Variants in AGPAT4 observed in about 807,000 individuals in gnomAD.
AGPAT4 encodes 1-acylglycerol-3-phosphate O-acyltransferase 4.
A neutral mutation model predicts 48.0 loss-of-function variants in AGPAT4; 15 were observed. That is an observed-to-expected ratio of 0.31 (90% CI 0.21 to 0.48). The LOEUF (loss-of-function observed/expected upper bound fraction) is 0.48, where lower values mean the gene tolerates loss of function less well. Ranked by LOEUF, AGPAT4 falls within the 20% of genes least tolerant of loss-of-function variation. AGPAT4 has a pLI of 0.99. For synonymous variants in AGPAT4, 178 were observed against 198.7 expected (o/e 0.90, Z 0.88); for missense variants, 314 against 482.5 (o/e 0.65, Z 3.27).
Position 161,178,529 on chromosome 6 carries a change from T to C in AGPAT4, c.179-12112A>G, listed in dbSNP as rs1263879029. Among the ~76,000 whole-genome samples the C allele has an allele frequency of 4.6e-5, 7 of 152,206 alleles. No individual in the cohort carries two copies. The highest frequency in any genetic ancestry group is 4.6e-4 in the Admixed American group (7 of 15,284). On this transcript the variant is annotated intron_variant, in intron 2 of 8. Transcript: ENST00000320285. The surrounding 1 kb of genome is among the most constrained non-coding windows in gnomAD (Gnocchi z 5.1). ...GAACCAATTTTCCAGGTGCCGTCTGTCACCGCTTCCCTTGGCTAGGAAAGG... is the reference window on the plus strand; with the variant it reads ...GAACCAATTTTCCAGGTGCCGTCTGCCACCGCTTCCCTTGGCTAGGAAAGG...
chr6:161,244,983 C>T lies in AGPAT4; in HGVS notation c.-89-12681G>A, dbSNP rs1180796190. On this transcript the variant is annotated intron_variant, in intron 1 of 8. Transcript: ENST00000320285. This position sits in a 1 kb window ranked among gnomAD's most constrained non-coding sequence, Gnocchi z 4.7. ...GAGCCAAAGGCCACGTAGCAAAACA[C>T]GTGGGCATGAGAACTCTCCTGCAAA... 6.6e-6 allele frequency among the ~76,000 whole-genome samples: 1 copy of T among 152,240 alleles called. No homozygotes were observed. The highest frequency in any genetic ancestry group is 1.5e-5 in the Non-Finnish European group (1 of 68,046).
chr6:161,140,221 G>C lies in AGPAT4; in HGVS notation c.844-601C>G, dbSNP rs544448830. 3.6e-4 allele frequency among the ~76,000 whole-genome samples: 55 copies of C among 152,348 alleles called. No homozygotes were observed. The highest frequency in any genetic ancestry group is 1.2e-3 in the African/African-American group (50 of 41,586). On this transcript the variant is annotated intron_variant, in intron 7 of 8. Coordinates refer to ENST00000320285, the MANE Select transcript of AGPAT4 (RefSeq NM_020133.3). The surrounding 1 kb of genome is among the most constrained non-coding windows in gnomAD (Gnocchi z 6.5). Reference sequence around the variant, plus strand: ...TTCAAGGCATCATGAATGACAAAGGGCTGGAGGGCTGCTGGGTGTGGCTCT... The same window carrying C: ...TTCAAGGCATCATGAATGACAAAGGCCTGGAGGGCTGCTGGGTGTGGCTCT...
chr6:161,167,306 G>A (rs1447712431), intron 2 of AGPAT4, among the ~76,000 whole-genome samples: 2 of 152,108 alleles, frequency 1.3e-5, no homozygotes, highest in African/African-American at 4.8e-5. Context: ...GCTCACTGCA[G>A]CCTCAACCTC....
At chr6:161,199,267 C>G (rs1781155283) in intron 2 of AGPAT4, among the ~76,000 whole-genome samples, 1 of 152,146 alleles carries the variant, frequency 6.6e-6, no homozygotes, top group Admixed American at 6.5e-5. Context: ...TCTTGTCATG[C>G]CCGCCCCTCC....
At position 161,142,811 on chromosome 6, in the gene AGPAT4, G is replaced by A. The variant is rs1006953047; in HGVS notation, c.844-3191C>T. On this transcript the variant is annotated intron_variant, in intron 7 of 8. Transcript: ENST00000320285. This position sits in a 1 kb window ranked among gnomAD's most constrained non-coding sequence, Gnocchi z 6.4. ...TGGTCTCAGCCCGCAGACACCACCC[G>A]AGTGCACGGCCAGGACTTGCAAAGG... Among the ~76,000 whole-genome samples, 2 of 152,198 alleles carry A rather than the reference G, an allele frequency of 1.3e-5. No homozygotes were observed. Among genetic ancestry groups the A allele is most frequent in the African/African-American group, 2.4e-5 (1 of 41,440 alleles).
intron 5 of AGPAT4, among the ~76,000 whole-genome samples, chr6:161,152,505 G>C (rs1328296781): frequency 6.6e-6 from 1 of 152,212 alleles, no homozygotes; most frequent in Non-Finnish European, 1.5e-5. Context: ...TGTTGCTCCA[G>C]AGGTCCTGGT....
At chr6:161,175,768 G>A (rs1342242516) in intron 2 of AGPAT4, among the ~76,000 whole-genome samples, 2 of 152,100 alleles carry the variant, frequency 1.3e-5, no homozygotes, top group Non-Finnish European at 2.9e-5. Flanking sequence ...TCTCTTGTGG[G>A]CATTTAGTGC....
In AGPAT4 at chr6:161,166,389, C is replaced by T. The variant is rs183879783; in HGVS notation, c.207G>A (p.Ser69=). 156 of 1,611,428 alleles carry T rather than the reference C, an allele frequency of 9.7e-5. No homozygotes were observed. The East Asian group carries it at 3.1e-3, about 32-fold the overall frequency. The change falls in exon 3 of 9, where the codon TCG becomes TCA. Residue 69 remains serine, a synonymous_variant. Transcript: ENST00000320285. The surrounding 1 kb of genome is among the most constrained non-coding windows in gnomAD (Gnocchi z 6.7). ...SQLVMLLEWW[S]GTECTIFTDP... ...CCGTGAAGATGGTGCATTCCGTGCC[C>T]GACCACCACTCCAGCAGCATCACCA...
At position 161,136,549 on chromosome 6, in the gene AGPAT4, C is replaced by A; in HGVS notation, c.1128G>T (p.Leu376=). ...GTGACACCTCCCTGAGTCAGTCATT[C>A]AGTTTCTGCTTGCTGTCAGAGTTGC... The part of the protein sequence containing the change: ...AYGNSDSKQK[L]ND The change falls in exon 9 of 9, where the codon CTG becomes CTT. Residue 376 remains leucine, a synonymous_variant. Transcript: ENST00000320285. 1 of 1,614,138 alleles carries A rather than the reference C, an allele frequency of 6.2e-7. No individual in the cohort carries two copies. The highest frequency in any genetic ancestry group is 8.5e-7 in the Non-Finnish European group (1 of 1,180,028).
chr6:161,256,296 T>A (rs1782941177), intron 1 of AGPAT4, among the ~76,000 whole-genome samples: 1 of 151,992 alleles, frequency 6.6e-6, no homozygotes, highest in Non-Finnish European at 1.5e-5. Context: ...CAAGAGGAAA[T>A]CAACCCCAGG....
At chr6:161,191,317 G>C (rs1484517256) in intron 2 of AGPAT4, among the ~76,000 whole-genome samples, 1 of 152,180 alleles carries the variant, frequency 6.6e-6, no homozygotes, top group African/African-American at 2.4e-5. Flanking sequence ...CCACTGTGCT[G>C]TGCTGCAAAT....
Position 161,231,828 on chromosome 6 carries a change from C to T in AGPAT4, c.178+208G>A, listed in dbSNP as rs1408174128. On this transcript the variant is annotated intron_variant, in intron 2 of 8. Coordinates refer to ENST00000320285, the MANE Select transcript of AGPAT4 (RefSeq NM_020133.3). The surrounding 1 kb of genome is among the most constrained non-coding windows in gnomAD (Gnocchi z 5.3). ...CTTTTCATAGTATACCTGTCTGTGGCTGTTGAATTTTGAGCTACTGGCATT... is the reference window on the plus strand; with the variant it reads ...CTTTTCATAGTATACCTGTCTGTGGTTGTTGAATTTTGAGCTACTGGCATT... Among the ~76,000 whole-genome samples the T allele has an allele frequency of 1.3e-5, 2 of 152,098 alleles. No homozygotes were observed.
chr6:161,199,678 G>A (rs926839399), intron 2 of AGPAT4, among the ~76,000 whole-genome samples: 7 of 152,108 alleles, frequency 4.6e-5, no homozygotes, highest in African/African-American at 1.4e-4. Flanking sequence ...TGCTGTTCTC[G>A]TGACAGCAAG....
chr6:161,181,280 C>T (rs1780581450), intron 2 of AGPAT4, among the ~76,000 whole-genome samples: 1 of 152,226 alleles, frequency 6.6e-6, no homozygotes, highest in East Asian at 1.9e-4. Flanking sequence ...CTGAGGGAGG[C>T]GGGCTGCCTG....
Position 161,136,508 on chromosome 6 carries a change from A to G in AGPAT4, c.*32T>C. ...ATATGCAGAGGCCACCAGTTCCCCA[A>G]GGTTCCCTTCGGATGGTGACACCTC... On this transcript the variant is annotated 3_prime_UTR_variant, in exon 9 of 9. Transcript: ENST00000320285. 1 of 1,600,586 alleles carries G rather than the reference A, an allele frequency of 6.2e-7. No homozygotes were observed. The highest frequency in any genetic ancestry group is 1.1e-5 in the South Asian group (1 of 90,800).
At position 161,219,916 on chromosome 6, in the gene AGPAT4, CGGCA is replaced by C. The variant is rs71558034; in HGVS notation, c.178+12116_178+12119del. Reference sequence around the variant, plus strand: ...GCAGGCAGGCAGGCAGGCAGGCAGGCGGCAGGCAGGCAGGCAGGCAGGCAGGCAG... The same window carrying C: ...GCAGGCAGGCAGGCAGGCAGGCAGGCGGCAGGCAGGCAGGCAGGCAGGCAG... On this transcript the variant is annotated intron_variant, in intron 2 of 8. Coordinates refer to ENST00000320285, the MANE Select transcript of AGPAT4 (RefSeq NM_020133.3). The surrounding 1 kb of genome is among the most constrained non-coding windows in gnomAD (Gnocchi z 4.9). Among the ~76,000 whole-genome samples, 501 of 105,604 alleles carry C rather than the reference CGGCA, an allele frequency of 4.7e-3. 2 individuals are homozygous for C. The highest frequency in any genetic ancestry group is 0.016 in the African/African-American group (443 of 27,114). 69.3% of individuals were successfully genotyped at this position (105,604 alleles called of 152,430 possible).
chr6:161,176,622 A>C (rs1027397918), intron 2 of AGPAT4, among the ~76,000 whole-genome samples: 6 of 151,802 alleles, frequency 4.0e-5, no homozygotes, highest in African/African-American at 1.5e-4. Flanking sequence ...TTTTAATTGG[A>C]GCATTTAGCC....
rs1191179778 is a variant in AGPAT4, at chr6:161,198,671, T to C, written c.179-32254A>G. 3.9e-5 allele frequency among the ~76,000 whole-genome samples: 6 copies of C among 152,238 alleles called. No homozygotes were observed. Among genetic ancestry groups the C allele is most frequent in the Non-Finnish European group, 7.3e-5 (5 of 68,038 alleles). On this transcript the variant is annotated intron_variant, in intron 2 of 8. Coordinates refer to ENST00000320285, the MANE Select transcript of AGPAT4 (RefSeq NM_020133.3). This position sits in a 1 kb window ranked among gnomAD's most constrained non-coding sequence, Gnocchi z 4.3. ...CCTGCTGTGCCTCGGTTTCCTCATC[T>C]GTCATGGTTGTTATTAGGTTTAAAT... is the stretch of plus-strand genomic sequence containing the variant.
In AGPAT4 at chr6:161,137,298, C is replaced by G. The variant is rs995548189; in HGVS notation, c.1043-664G>C. ...AGGTCCTTGGGTGCAGGGCCCAAGACTTAATCATTTGATGTGCTCAGCACT... is the reference window on the plus strand; with the variant it reads ...AGGTCCTTGGGTGCAGGGCCCAAGAGTTAATCATTTGATGTGCTCAGCACT... On this transcript the variant is annotated intron_variant, in intron 8 of 8. Coordinates refer to ENST00000320285, the MANE Select transcript of AGPAT4 (RefSeq NM_020133.3). This position sits in a 1 kb window ranked among gnomAD's most constrained non-coding sequence, Gnocchi z 6.1. Among the ~76,000 whole-genome samples the G allele has an allele frequency of 6.6e-6, 1 of 152,202 alleles. No homozygotes were observed. Among genetic ancestry groups the G allele is most frequent in the Non-Finnish European group, 1.5e-5 (1 of 68,042 alleles).
Sources: allele counts gnomAD v4.1 joint callset (sites outside exome capture counted in the v4.1 genomes callset), GRCh38; gene constraint gnomAD v4.1.1; non-coding constraint Gnocchi (gnomAD v3.1); transcripts MANE v1.5; gene names NCBI Gene and HGNC (gene_info 2026-07-23, HGNC 2026-07-21).